The following MECOM variants were observed in gnomAD, a reference collection of about 807,000 sequenced individuals.
MECOM encodes histone-lysine N-methyltransferase MECOM.
MECOM carries 13 observed loss-of-function variants against 116.3 expected under a neutral mutation model. That is an observed-to-expected ratio of 0.11 (90% CI 0.07 to 0.18). The LOEUF (loss-of-function observed/expected upper bound fraction) is 0.18, where lower values mean the gene tolerates loss of function less well. MECOM is among the 10% of genes least tolerant of loss of function. The pLI, the probability that MECOM is intolerant of heterozygous loss-of-function variation, is 1.00. For missense variants in MECOM, 1,299 were observed against 1,509.0 expected (o/e 0.86, Z 2.31); for synonymous variants, 528 against 535.2 (o/e 0.99, Z 0.19).
chr3:169,313,309 T>C (rs559537780), intron 2 of MECOM, among the ~76,000 whole-genome samples: 134 of 152,182 alleles, frequency 8.8e-4, no homozygotes, highest in South Asian at 6.2e-4. Context: ...TTGCAGTGTT[T>C]TGCTCTAAAG....
chr3:169,496,145 A>C (rs140178669), intron 1 of MECOM, among the ~76,000 whole-genome samples: 65 of 152,360 alleles, frequency 4.3e-4, no homozygotes, highest in African/African-American at 1.4e-3. Context: ...AAAATTCTGC[A>C]GTGGCCAGTG....
chr3:169,533,620 T>A (rs2109167091), intron 1 of MECOM, among the ~76,000 whole-genome samples: 1 of 144,446 alleles, frequency 6.9e-6, no homozygotes, highest in Middle Eastern at 3.6e-3. Flanking sequence ...GGGCCTGGAG[T>A]TCATATTCAT....
chr3:169,249,750 T>A (rs552064542), intron 2 of MECOM, among the ~76,000 whole-genome samples: 1 of 152,300 alleles, frequency 6.6e-6, no homozygotes, highest in South Asian at 2.1e-4. Context: ...CCCAGTATTA[T>A]GGGCATTTTA....
chr3:169,202,332 T>A (rs937620813), intron 2 of MECOM, among the ~76,000 whole-genome samples: 7 of 152,174 alleles, frequency 4.6e-5, no homozygotes, highest in Non-Finnish European at 1.0e-4. Flanking sequence ...TAATTATAAC[T>A]ATGCCAAGTA....
At chr3:169,601,953 CT>C (rs1767885692) in intron 1 of MECOM, among the ~76,000 whole-genome samples, 1 of 152,166 alleles carries the variant, frequency 6.6e-6, no homozygotes, top group African/African-American at 2.4e-5. Context: ...AAATCCACTG[CT>C]GACAATAAAT....
chr3:169,199,205 A>G (rs1192088789), intron 2 of MECOM, among the ~76,000 whole-genome samples: 1 of 152,076 alleles, frequency 6.6e-6, no homozygotes, highest in Non-Finnish European at 1.5e-5. Flanking sequence ...TCCTACATTA[A>G]GTAGGAGACT....
intron 1 of MECOM, among the ~76,000 whole-genome samples, chr3:169,568,722 G>A (rs2109423673): frequency 6.6e-6 from 1 of 152,226 alleles, no homozygotes; most frequent in East Asian, 1.9e-4. Flanking sequence ...GCCCCAGTCA[G>A]GGGTTTATAG....
intron 1 of MECOM, chr3:169,477,150 C>CAT (rs1750620684): frequency 7.7e-5 from 2 of 25,968 alleles, no homozygotes; most frequent in African/African-American, 2.9e-4. Context: ...TATATATATA[C>CAT]ACACACACAC....
intron 2 of MECOM, among the ~76,000 whole-genome samples, chr3:169,306,364 A>G (rs968422047): frequency 6.6e-6 from 1 of 152,192 alleles, no homozygotes; most frequent in Non-Finnish European, 1.5e-5. Flanking sequence ...AAGAAATTAG[A>G]TGACATATAA....
At chr3:169,373,207 T>C (rs1198951847) in intron 2 of MECOM, among the ~76,000 whole-genome samples, 1 of 152,034 alleles carries the variant, frequency 6.6e-6, no homozygotes. Context: ...TGCCAAACTC[T>C]AATATTATTT....
At chr3:169,561,013 G>A (rs1287200252) in intron 1 of MECOM, among the ~76,000 whole-genome samples, 1 of 151,544 alleles carries the variant, frequency 6.6e-6, no homozygotes, top group Non-Finnish European at 1.5e-5. Context: ...AGGGAAATAT[G>A]AACAAACAAT....
intron 2 of MECOM, among the ~76,000 whole-genome samples, chr3:169,152,783 A>G (rs1741369361): frequency 6.6e-6 from 1 of 152,194 alleles, no homozygotes; most frequent in Admixed American, 6.5e-5. Context: ...CTTATTAATT[A>G]ACTATACAAG....
At chr3:169,414,345 T>G (rs529255842) in intron 1 of MECOM, among the ~76,000 whole-genome samples, 1 of 151,914 alleles carries the variant, frequency 6.6e-6, no homozygotes, top group Non-Finnish European at 1.5e-5. Flanking sequence ...AGCATCAACA[T>G]CTACAAAAAG....
intron 1 of MECOM, among the ~76,000 whole-genome samples, chr3:169,538,147 A>G (rs749197065): frequency 6.6e-6 from 1 of 152,224 alleles, no homozygotes; most frequent in African/African-American, 2.4e-5. Flanking sequence ...GCAACTCTCT[A>G]TTGAGATTCA....
intron 1 of MECOM, among the ~76,000 whole-genome samples, chr3:169,482,148 G>C (rs1308055772): frequency 2.7e-5 from 4 of 148,688 alleles, no homozygotes; most frequent in Non-Finnish European, 5.9e-5. Context: ...GATCTTATTA[G>C]AGAAAAAAAA....
chr3:169,191,740 G>GAGAAAGAAAAGAAAGAAAGAA (rs1747662855), intron 2 of MECOM, among the ~76,000 whole-genome samples: 2 of 64,274 alleles, frequency 3.1e-5, no homozygotes, highest in Non-Finnish European at 6.6e-5. Flanking sequence ...AAGAAAGAAA[G>GAGAAAGAAAAGAAAGAAAGAA]AGAAAGAAAG....
intron 1 of MECOM, among the ~76,000 whole-genome samples, chr3:169,468,409 A>G (rs973606087): frequency 8.5e-5 from 13 of 152,212 alleles, no homozygotes; most frequent in Non-Finnish European, 1.5e-4. Flanking sequence ...CTGTAATTAA[A>G]CAATTAATTG....
At chr3:169,287,976 T>A (rs946466777) in intron 2 of MECOM, among the ~76,000 whole-genome samples, 6 of 152,114 alleles carry the variant, frequency 3.9e-5, no homozygotes, top group African/African-American at 1.4e-4. Flanking sequence ...ACATTTAGAG[T>A]AATTGTTAAC....
intron 2 of MECOM, among the ~76,000 whole-genome samples, chr3:169,220,975 G>A (rs1410617348): frequency 3.3e-5 from 5 of 152,108 alleles, no homozygotes; most frequent in Admixed American, 6.6e-5. Context: ...GAAGAAAATC[G>A]AAGAAGAAGA....
Sources: allele counts gnomAD v4.1 joint callset (sites outside exome capture counted in the v4.1 genomes callset), GRCh38; gene constraint gnomAD v4.1.1; transcripts MANE v1.5; gene names NCBI Gene and HGNC (gene_info 2026-07-23, HGNC 2026-07-21).